Variants in AKAP19 observed in about 807,000 individuals in gnomAD.
AKAP19 encodes A-kinase anchoring protein 19, also known as small A-kinase anchoring protein.
At chr2:189,906,934 C>T in the AKAP19 span, among the ~76,000 whole-genome samples, 8 of 152,042 alleles carry the variant, frequency 5.3e-5, no homozygotes, top group Non-Finnish European at 1.2e-4. Flanking sequence ...TTTAAAATCC[C>T]AATTATGTTA....
the AKAP19 span, among the ~76,000 whole-genome samples, chr2:189,961,683 T>TG: frequency 6.6e-6 from 1 of 151,714 alleles, no homozygotes; most frequent in South Asian, 2.1e-4. Flanking sequence ...GAGGCTGAGG[T>TG]GGGTGGATCA....
the AKAP19 span, among the ~76,000 whole-genome samples, chr2:190,190,874 G>C: frequency 6.6e-6 from 1 of 152,000 alleles, no homozygotes; most frequent in African/African-American, 2.4e-5. Context: ...ACCACAATCG[G>C]GATAAAGAAT....
chr2:190,015,960 C>G, the AKAP19 span, among the ~76,000 whole-genome samples: 1 of 152,220 alleles, frequency 6.6e-6, no homozygotes, highest in South Asian at 2.1e-4. Flanking sequence ...TCCCTCATCT[C>G]CATCTGAGAC....
the AKAP19 span, among the ~76,000 whole-genome samples, chr2:190,194,464 C>T: frequency 2.1e-5 from 3 of 146,216 alleles, no homozygotes; most frequent in South Asian, 4.4e-4. Flanking sequence ...AGTGTTCCCA[C>T]GTATCCTGTG....
chr2:190,024,302 G>A, the AKAP19 span, among the ~76,000 whole-genome samples: 3 of 147,488 alleles, frequency 2.0e-5, no homozygotes, highest in Non-Finnish European at 4.5e-5. Context: ...TGCAGAACCA[G>A]TATATATATA....
the AKAP19 span, among the ~76,000 whole-genome samples, chr2:190,111,597 G>T: frequency 6.6e-6 from 1 of 152,038 alleles, no homozygotes; most frequent in Non-Finnish European, 1.5e-5. Context: ...ACCAGCCTAG[G>T]TTACCATTTA....
chr2:190,052,983 T>G, the AKAP19 span, among the ~76,000 whole-genome samples: 1 of 152,234 alleles, frequency 6.6e-6, no homozygotes, highest in Non-Finnish European at 1.5e-5. Flanking sequence ...AGTTGATCTT[T>G]AAGAAAGTAT....
the AKAP19 span, among the ~76,000 whole-genome samples, chr2:190,027,348 A>C: frequency 1.3e-5 from 2 of 152,186 alleles, no homozygotes; most frequent in Non-Finnish European, 1.5e-5. Context: ...TTTCTCTATC[A>C]AGTTTCACAT....
chr2:190,176,370 C>T, the AKAP19 span, among the ~76,000 whole-genome samples: 1 of 152,114 alleles, frequency 6.6e-6, no homozygotes, highest in East Asian at 1.9e-4. The surrounding 1 kb of genome is among the most constrained non-coding windows in gnomAD (Gnocchi z 4.7). Flanking sequence ...TTTCTTGACA[C>T]AGAGTCTCGC....
chr2:190,167,257 T>C, the AKAP19 span, among the ~76,000 whole-genome samples: 1 of 152,080 alleles, frequency 6.6e-6, no homozygotes, highest in Non-Finnish European at 1.5e-5. Flanking sequence ...AACTCCCCTT[T>C]TTAAAACCAT....
chr2:189,986,278 C>T, the AKAP19 span, among the ~76,000 whole-genome samples: 1 of 151,948 alleles, frequency 6.6e-6, no homozygotes, highest in South Asian at 2.1e-4. Context: ...AGGGAAATTG[C>T]TTGCCATGGA....
At chr2:190,062,561 C>T in the AKAP19 span, 2 of 1,613,034 alleles carry the variant, frequency 1.2e-6, no homozygotes, top group Non-Finnish European at 1.7e-6. Flanking sequence ...TCAGCATAAA[C>T]AGGTAAATAT....
chr2:189,989,184 T>C, the AKAP19 span, among the ~76,000 whole-genome samples: 1 of 152,182 alleles, frequency 6.6e-6, no homozygotes, highest in African/African-American at 2.4e-5. Flanking sequence ...TAGACTTTAT[T>C]AAGCATGCAT....
the AKAP19 span, among the ~76,000 whole-genome samples, chr2:190,036,771 C>A: frequency 4.6e-5 from 7 of 152,296 alleles, no homozygotes; most frequent in Admixed American, 1.3e-4. Flanking sequence ...CAGTGAAGCC[C>A]TAGACTAGGT....
the AKAP19 span, among the ~76,000 whole-genome samples, chr2:190,173,040 G>T: frequency 1.1e-4 from 17 of 152,044 alleles, no homozygotes; most frequent in African/African-American, 3.9e-4. Context: ...ACTTGAACCC[G>T]GGAGGCAGAC....
the AKAP19 span, among the ~76,000 whole-genome samples, chr2:189,906,005 T>A: frequency 6.6e-6 from 1 of 152,192 alleles, no homozygotes; most frequent in East Asian, 1.9e-4. Context: ...ATGGTAGACT[T>A]TGCATTTTAC....
chr2:190,198,225 A>G, the AKAP19 span, among the ~76,000 whole-genome samples: 31,433 of 152,146 alleles, frequency 0.21, 3,543 homozygotes, highest in East Asian at 0.34. Flanking sequence ...ATTATGAGAA[A>G]CTGGGTAGAA....
chr2:190,091,496 A>G, the AKAP19 span, among the ~76,000 whole-genome samples: 13 of 151,294 alleles, frequency 8.6e-5, no homozygotes, highest in African/African-American at 2.9e-4. Flanking sequence ...TGTTTCTTAA[A>G]GTAGAAGAGA....
At chr2:189,937,322 G>A in the AKAP19 span, among the ~76,000 whole-genome samples, 150,332 of 152,228 alleles carry the variant, frequency 0.99, 74,257 homozygotes, top group East Asian at 1. Flanking sequence ...ATGTCCTTCA[G>A]AACTTATTGA....
Sources: gnomAD v4.1 joint callset for allele counts (sites outside exome capture counted in the v4.1 genomes callset) on GRCh38, gnomAD v4.1.1 for gene constraint, Gnocchi (gnomAD v3.1) non-coding constraint, MANE v1.5 for transcripts, NCBI Gene and HGNC (gene_info 2026-07-23, HGNC 2026-07-21) for gene names.